ARL15: variants seen among roughly 807,000 people sequenced by gnomAD.
The protein encoded by ARL15 is ARF like GTPase 15.
Under a neutral mutation model 25.2 loss-of-function variants are expected in ARL15, and 19 were observed. The ratio of observed to expected loss-of-function variants is 0.75; its 90% CI spans 0.53 to 1.10. The LOEUF (loss-of-function observed/expected upper bound fraction) is 1.10. Ranked by LOEUF, ARL15 falls within the 50% of genes least tolerant of loss-of-function variation. The probability of loss-of-function intolerance (pLI) is 0.00; values close to 1 mark genes in which losing one functional copy is unlikely to be tolerated. For missense variants in ARL15, 220 were observed against 246.0 expected (o/e 0.89, Z 0.71); for synonymous variants, 94 against 86.8 (o/e 1.08, Z -0.46).
chr5:54,121,546 A>C (rs1753076436), intron 3 of ARL15, among the ~76,000 whole-genome samples: 1 of 152,304 alleles, frequency 6.6e-6, no homozygotes, highest in Admixed American at 6.5e-5. Flanking sequence ...CTCATAAATA[A>C]ATTTGGGCAG....
At chr5:54,020,249 A>G (rs947340501) in intron 4 of ARL15, among the ~76,000 whole-genome samples, 1 of 152,176 alleles carries the variant, frequency 6.6e-6, no homozygotes, top group African/African-American at 2.4e-5. Context: ...CCCTCCTTAC[A>G]GGAGCAGTGT....
rs190408375 is a variant in ARL15 at position 54,241,815 on chromosome 5, T to C, written c.48+68617A>G. Among the ~76,000 whole-genome samples the C allele has an allele frequency of 1.8e-3, 272 of 152,350 alleles. 1 individual carries two copies. Among genetic ancestry groups the C allele is most frequent in the African/African-American group, 6.3e-3 (260 of 41,582 alleles). ...GTTCTCCTTTTTCAAGATTTCAGGA[T>C]GTTGCAGAAAGAATGCCATAACTTC... On this transcript the variant is annotated intron_variant, in intron 1 of 4. Transcript: ENST00000504924.
At position 54,122,495 on chromosome 5, in the gene ARL15, C is replaced by T. The variant is rs144695131; in HGVS notation, c.254-9085G>A. Among the ~76,000 whole-genome samples the T allele has an allele frequency of 3.2e-3, 495 of 152,362 alleles. 4 individuals carry two copies. Among genetic ancestry groups the T allele is most frequent in the Middle Eastern group, 0.014 (4 of 294 alleles). ...TGATGTTACCTACAAGGCTGACATA[C>T]AGTATACATACACATACATATAAAG... On this transcript the variant is annotated intron_variant, in intron 3 of 4. Coordinates refer to ENST00000504924, the MANE Select transcript of ARL15 (RefSeq NM_019087.3).
chr5:53,960,441 C>T (rs948125410), intron 4 of ARL15, among the ~76,000 whole-genome samples: 3 of 152,100 alleles, frequency 2.0e-5, no homozygotes, highest in African/African-American at 7.2e-5. Flanking sequence ...GGCTAGGGCA[C>T]AAAGATTTCC....
intron 1 of ARL15, among the ~76,000 whole-genome samples, chr5:54,233,208 T>C (rs1433538875): frequency 2.0e-5 from 3 of 152,232 alleles, no homozygotes; most frequent in South Asian, 2.1e-4. Flanking sequence ...TTCTGCTCTA[T>C]GTAAAAGTCT....
intron 1 of ARL15, among the ~76,000 whole-genome samples, chr5:54,309,646 G>A (rs891187938): frequency 6.6e-6 from 1 of 152,156 alleles, no homozygotes; most frequent in African/African-American, 2.4e-5. Context: ...AGCAACTCTG[G>A]GGAAATATAA....
At chr5:53,904,768 A>G (rs1745187432) in intron 4 of ARL15, among the ~76,000 whole-genome samples, 2 of 129,784 alleles carry the variant, frequency 1.5e-5, no homozygotes, top group South Asian at 4.6e-4. Context: ...AGACAGTCTC[A>G]CCCAGGCTGG....
At chr5:54,278,512 C>G (rs1241930082) in intron 1 of ARL15, among the ~76,000 whole-genome samples, 1 of 152,158 alleles carries the variant, frequency 6.6e-6, no homozygotes, top group African/African-American at 2.4e-5. Context: ...GTGATACATC[C>G]CTACATTACA....
chr5:54,075,166 T>A (rs2112087714), intron 4 of ARL15, among the ~76,000 whole-genome samples: 1 of 151,042 alleles, frequency 6.6e-6, no homozygotes, highest in African/African-American at 2.4e-5. Flanking sequence ...TATTATAAGA[T>A]AATTTATAAT....
chr5:53,949,231 A>G (rs768526632), intron 4 of ARL15, among the ~76,000 whole-genome samples: 24 of 152,110 alleles, frequency 1.6e-4, no homozygotes, highest in African/African-American at 5.8e-4. Flanking sequence ...AGCACCCTTC[A>G]TTTCATGTTG....
intron 4 of ARL15, among the ~76,000 whole-genome samples, chr5:53,902,096 A>C (rs1449427489): frequency 3.3e-5 from 5 of 152,232 alleles, no homozygotes; most frequent in Non-Finnish European, 5.9e-5. Context: ...TGACAAATGA[A>C]CAATTCCTGA....
intron 4 of ARL15, among the ~76,000 whole-genome samples, chr5:53,968,804 C>T (rs972572245): frequency 5.6e-4 from 85 of 152,088 alleles, no homozygotes; most frequent in Admixed American, 2.0e-3. Context: ...CCACCGCTCC[C>T]GGCCCGATAT....
intron 3 of ARL15, among the ~76,000 whole-genome samples, chr5:54,142,313 G>A (rs111235390): frequency 3.9e-5 from 6 of 152,248 alleles, no homozygotes; most frequent in African/African-American, 1.4e-4. Flanking sequence ...GAGTGGCATG[G>A]GGGAATTTGG....
chr5:54,098,094 T>C (rs988289250), intron 4 of ARL15, among the ~76,000 whole-genome samples: 6 of 152,102 alleles, frequency 3.9e-5, no homozygotes, highest in African/African-American at 1.4e-4. Context: ...ACCTGTAGCA[T>C]TAAAAAAGAA....
At chr5:53,937,265 T>C (rs1296977969) in intron 4 of ARL15, among the ~76,000 whole-genome samples, 2 of 151,584 alleles carry the variant, frequency 1.3e-5, no homozygotes, top group Non-Finnish European at 2.9e-5. Context: ...AGGGAATAAG[T>C]ACAAAATACA....
At chr5:54,304,345 T>C (rs572936715) in intron 1 of ARL15, among the ~76,000 whole-genome samples, 12 of 152,350 alleles carry the variant, frequency 7.9e-5, no homozygotes, top group African/African-American at 2.9e-4. Flanking sequence ...CTTAGAACAC[T>C]GGCACAGAGT....
At chr5:53,991,279 C>T (rs749426212) in intron 4 of ARL15, among the ~76,000 whole-genome samples, 11 of 152,106 alleles carry the variant, frequency 7.2e-5, no homozygotes, top group Admixed American at 2.0e-4. Context: ...CGGTGGCTCA[C>T]GCCTGTAATC....
At chr5:54,125,429 T>A (rs1468598463) in intron 3 of ARL15, among the ~76,000 whole-genome samples, 1 of 152,180 alleles carries the variant, frequency 6.6e-6, no homozygotes, top group Non-Finnish European at 1.5e-5. Context: ...TGGAGGCTGC[T>A]AGGAACCGAG....
chr5:54,071,945 C>T (rs1211672683), intron 4 of ARL15, among the ~76,000 whole-genome samples: 4 of 148,284 alleles, frequency 2.7e-5, no homozygotes, highest in African/African-American at 1.0e-4. Context: ...TGCACGCCAG[C>T]CTGGTGACAG....
Sources: allele counts gnomAD v4.1 joint callset (sites outside exome capture counted in the v4.1 genomes callset), GRCh38; gene constraint gnomAD v4.1.1; transcripts MANE v1.5; gene names NCBI Gene and HGNC (gene_info 2026-07-23, HGNC 2026-07-21).